CACNA1C: variants seen among roughly 807,000 people sequenced by gnomAD.
The protein encoded by CACNA1C is voltage-dependent L-type calcium channel subunit alpha-1C.
CACNA1C carries 30 observed loss-of-function variants against 229.0 expected under a neutral mutation model. The observed-to-expected ratio is 0.13, with a 90% CI of 0.10 to 0.18. The LOEUF is 0.18. CACNA1C is among the 10% of genes least tolerant of loss of function. CACNA1C has a pLI of 1.00. For synonymous variants in CACNA1C, 1,114 were observed against 1,132.5 expected, an observed-to-expected ratio of 0.98 and a Z score of 0.33; for missense variants, 1,658 against 2,845.0, an observed-to-expected ratio of 0.58 and a Z score of 9.49.
At position 2,680,623 on chromosome 12, in the gene CACNA1C, C is replaced by T; in HGVS notation, c.5444+827C>T. ...AGCTCAGAAAATAATAGAGAAGTAG[C>T]AGCTTCCCTCTAAACCCCTGGAAAA... On this transcript the variant is annotated intron_variant, in intron 42 of 46. Coordinates refer to ENST00000399655, the MANE Select transcript of CACNA1C (RefSeq NM_000719.7). 4 of 1,471,144 alleles carry T rather than the reference C, an allele frequency of 2.7e-6. No homozygotes were observed. In the South Asian group the frequency reaches 4.9e-5, roughly 18 times the overall value. The allele number at this position is 1,471,144 out of a possible 1,614,324, so 91.1% of individuals were successfully genotyped here.
At chr12:2,623,674 C>T (rs1309831008) in intron 29 of CACNA1C, among the ~76,000 whole-genome samples, 3 of 152,152 alleles carry the variant, frequency 2.0e-5, no homozygotes, top group African/African-American at 7.2e-5. Context: ...TGACCTCCTT[C>T]CAAATGCTAG....
chr12:2,050,517 T>C, upstream of CACNA1C, among the ~76,000 whole-genome samples: 1 of 152,168 alleles, frequency 6.6e-6, no homozygotes, highest in East Asian at 1.9e-4. Flanking sequence ...GCAAACCAAT[T>C]TTACTATTCA....
chr12:2,156,857 C>A (rs1365295410), intron 3 of CACNA1C, among the ~76,000 whole-genome samples: 3 of 152,228 alleles, frequency 2.0e-5, no homozygotes, highest in Non-Finnish European at 2.9e-5. Flanking sequence ...AAGGTTGGAG[C>A]TGAATGTTGA....
intron 9 of CACNA1C, among the ~76,000 whole-genome samples, chr12:2,518,607 CAAA>C (rs749239155): frequency 1.9e-5 from 2 of 102,882 alleles, no homozygotes; most frequent in African/African-American, 3.7e-5. Flanking sequence ...GACGCTGTCT[CAAA>C]AAAAAAAAAA....
intron 3 of CACNA1C, among the ~76,000 whole-genome samples, chr12:2,398,024 G>A (rs1034603399): frequency 2.6e-5 from 4 of 152,226 alleles, no homozygotes; most frequent in Admixed American, 6.5e-5. Context: ...TCACTGGCCC[G>A]AGGGCAGGCC....
chr12:2,528,773 G>GTGGGGAAAGGTGATTGGGGA (rs2099833895), intron 9 of CACNA1C, among the ~76,000 whole-genome samples: 1 of 152,222 alleles, frequency 6.6e-6, no homozygotes, highest in African/African-American at 2.4e-5. Context: ...GTGATTGGGG[G>GTGGGGAAAGGTGATTGGGGA]TAAGGAAAAG....
rs1347893169 is a variant in CACNA1C, at chr12:2,467,297, C to G, written c.757+9591C>G. On this transcript the variant is annotated intron_variant, in intron 5 of 46. Transcript: ENST00000399655. The surrounding 1 kb of genome is among the most constrained non-coding windows in gnomAD (Gnocchi z 4.6). ...GGACTAGGCTAGTACAACTGAGCTT[C>G]CATTCTGCAGAGAGGAGCCCTGAGG... 6.6e-6 allele frequency among the ~76,000 whole-genome samples: 1 copy of G among 152,208 alleles called. No individual in the cohort carries two copies. The highest frequency in any genetic ancestry group is 1.5e-5 in the Non-Finnish European group (1 of 68,040).
rs1175960106 is a variant in CACNA1C, at chr12:2,692,041, T to A, written c.*842T>A. On this transcript the variant is annotated 3_prime_UTR_variant, in exon 47 of 47. Transcript: ENST00000399655. ...TACAAAGTCCTGTAGCCCCCTCACC[T>A]TTCTGTTTTCACTTTTGCCAATGTA... is the stretch of plus-strand genomic sequence containing the variant. The A allele has an allele frequency of 6.6e-6, 1 of 152,348 alleles. No homozygotes were observed. The highest frequency in any genetic ancestry group is 1.9e-4 in the East Asian group (1 of 5,184). 9.4% of individuals were successfully genotyped at this position (152,348 alleles called of 1,614,324 possible). A position where few individuals can be genotyped will look rare whatever the true frequency, so the allele number is the denominator to read the frequency against.
chr12:2,513,330 A>T (rs1421678419), intron 9 of CACNA1C, among the ~76,000 whole-genome samples: 1 of 152,258 alleles, frequency 6.6e-6, no homozygotes, highest in Non-Finnish European at 1.5e-5. Context: ...TTGAAAGCGC[A>T]GGCTTGTTTA....
chr12:2,195,821 G>A (rs1321697009), intron 3 of CACNA1C, among the ~76,000 whole-genome samples: 3 of 152,200 alleles, frequency 2.0e-5, no homozygotes, highest in Non-Finnish European at 4.4e-5. Flanking sequence ...CTCAGAATTC[G>A]TATGTCAGAT....
chr12:2,536,269 G>A (rs2099854974), intron 9 of CACNA1C, among the ~76,000 whole-genome samples: 2 of 152,212 alleles, frequency 1.3e-5, no homozygotes, highest in Admixed American at 6.5e-5. Flanking sequence ...TTTGTGAACG[G>A]CAAAGAACAG....
chr12:2,677,776 G>A lies in CACNA1C; in HGVS notation c.5000G>A (p.Arg1667Gln), dbSNP rs749078787. 1 of 1,613,760 alleles carries A rather than the reference G, an allele frequency of 6.2e-7. No individual in the cohort carries two copies. The highest frequency in any genetic ancestry group is 8.5e-7 in the Non-Finnish European group (1 of 1,179,852). The change falls in exon 41 of 47, where the codon CGG becomes CAG. Residue 1667 changes from arginine to glutamine, a missense_variant. By Grantham distance (43) the Arg-to-Gln change is conservative. Around this residue, in one of 20 missense-constraint regions of CACNA1C, gnomAD observed 590 missense variants for 700.8 expected, o/e 0.84. Coordinates refer to ENST00000399655, the MANE Select transcript of CACNA1C (RefSeq NM_000719.7). This position sits in a 1 kb window ranked among gnomAD's most constrained non-coding sequence, Gnocchi z 7.4. The stretch of plus-strand genomic sequence containing the variant: ...CATGACATCGGGCCTGAGATCCGAC[G>A]GGCCATCTCTGGAGATCTCACCGCT... ...TLHDIGPEIR[R>Q]AISGDLTAEE...
rs552924830 is a variant in CACNA1C, at chr12:2,282,858, C to T, written c.477+162428C>T. On this transcript the variant is annotated intron_variant, in intron 3 of 46. Transcript: ENST00000399655. ...CTCAAGATGCCACTGAGAACCAAGGCTCTTTCTCTCTTTCCACTTCCTTAT... is the reference window on the plus strand; with the variant it reads ...CTCAAGATGCCACTGAGAACCAAGGTTCTTTCTCTCTTTCCACTTCCTTAT... 3.3e-5 allele frequency among the ~76,000 whole-genome samples: 5 copies of T among 152,314 alleles called. No individual in the cohort carries two copies. The East Asian group carries it at 9.6e-4, about 29-fold the overall frequency.
At chr12:2,617,460 C>T (rs1190529646) in intron 29 of CACNA1C, among the ~76,000 whole-genome samples, 1 of 152,206 alleles carries the variant, frequency 6.6e-6, no homozygotes, top group Non-Finnish European at 1.5e-5. Context: ...CACTCTGCAT[C>T]GTGAAGGCTC....
At chr12:2,624,904 G>A (rs369216312) in intron 29 of CACNA1C, among the ~76,000 whole-genome samples, 2 of 152,240 alleles carry the variant, frequency 1.3e-5, no homozygotes, top group Non-Finnish European at 2.9e-5. Context: ...CAGCAGCTGC[G>A]GATGAAATGC....
intron 1 of CACNA1C, among the ~76,000 whole-genome samples, chr12:2,046,139 A>C (rs1420458494): frequency 6.6e-6 from 1 of 152,186 alleles, no homozygotes; most frequent in Non-Finnish European, 1.5e-5. Flanking sequence ...TGAGAGAATA[A>C]ATTGCTGTTG....
chr12:2,257,832 A>G (rs1192130496), intron 3 of CACNA1C, among the ~76,000 whole-genome samples: 1 of 152,206 alleles, frequency 6.6e-6, no homozygotes, highest in African/African-American at 2.4e-5. Context: ...GAAATGGTAT[A>G]TTCTTTATAC....
rs1462886975 is a variant in CACNA1C, at chr12:2,067,477, TGTGTGCGCGC to T, written c.49+13874_49+13883del. ...GTGTGTGTGTGTGTGTGTGTGTGTGTGTGTGCGCGCGTGTGCGTGCCTGTATGTAAGGGCA... is the reference window on the plus strand; with the variant it reads ...GTGTGTGTGTGTGTGTGTGTGTGTGTGTGTGCGTGCCTGTATGTAAGGGCA... On this transcript the variant is annotated intron_variant, in intron 1 of 46. Coordinates refer to ENST00000399655, the MANE Select transcript of CACNA1C (RefSeq NM_000719.7). This position sits in a 1 kb window ranked among gnomAD's most constrained non-coding sequence, Gnocchi z 5.3. 7.6e-6 allele frequency among the ~76,000 whole-genome samples: 1 copy of T among 131,604 alleles called. No individual in the cohort carries two copies. Among genetic ancestry groups the T allele is most frequent in the Admixed American group, 8.4e-5 (1 of 11,926 alleles). 86.3% of individuals were successfully genotyped at this position (131,604 alleles called of 152,430 possible).
chr12:2,050,462 G>C (rs1391024652), upstream of CACNA1C, among the ~76,000 whole-genome samples: 1 of 152,220 alleles, frequency 6.6e-6, no homozygotes, highest in East Asian at 1.9e-4. Flanking sequence ...GCACTCAGTA[G>C]TGTTAGCTAT....
Sources: gnomAD v4.1 joint callset for allele counts (sites outside exome capture counted in the v4.1 genomes callset) on GRCh38, gnomAD v4.1.1 for gene constraint, gnomAD v4.1.1 regional missense constraint, Gnocchi (gnomAD v3.1) non-coding constraint, MANE v1.5 for transcripts, NCBI Gene and HGNC (gene_info 2026-07-23, HGNC 2026-07-21) for gene names.